KLC1: variants seen among roughly 807,000 people sequenced by gnomAD.
KLC1 encodes kinesin 2 60/70kDa.
A neutral mutation model predicts 84.2 loss-of-function variants in KLC1; 30 were observed. The ratio of observed to expected loss-of-function variants is 0.36; its 90% CI spans 0.27 to 0.48. The LOEUF (loss-of-function observed/expected upper bound fraction) is 0.48. Among genes scored for constraint, KLC1 ranks in the 20% least tolerant of loss-of-function variants. The pLI is 0.99. For missense variants in KLC1, 499 were observed against 805.4 expected, an observed-to-expected ratio of 0.62 and a Z score of 4.60; for synonymous variants, 289 against 293.3, an observed-to-expected ratio of 0.99 and a Z score of 0.15.
chr14:103,644,733 AAAAAG>A (rs1254999879), intron 1 of KLC1, among the ~76,000 whole-genome samples: 6 of 152,146 alleles, frequency 3.9e-5, no homozygotes, highest in Admixed American at 6.6e-5. Flanking sequence ...GTCTCTACTT[AAAAAG>A]AAAAGAGAAG....
intron 14 of KLC1, among the ~76,000 whole-genome samples, chr14:103,690,634 T>C (rs955149218): frequency 4.7e-4 from 9 of 18,956 alleles, no homozygotes; most frequent in African/African-American, 7.5e-4. Context: ...TCATGTTCGC[T>C]GTCCCATGTT....
chr14:103,700,432 G>C (rs568421373), intron 15 of KLC1: 2 of 474,418 alleles, frequency 4.2e-6, no homozygotes, highest in East Asian at 7.2e-5. Context: ...GAGCCATGGT[G>C]ATGGGGGAGG....
chr14:103,632,175 T>C (rs968693610), intron 1 of KLC1, among the ~76,000 whole-genome samples: 5 of 151,952 alleles, frequency 3.3e-5, no homozygotes, highest in African/African-American at 1.2e-4. Context: ...AGATCGCCCC[T>C]AGCTCTTTGG....
chr14:103,690,310 T>G (rs982700347), intron 14 of KLC1, among the ~76,000 whole-genome samples: 6 of 152,260 alleles, frequency 3.9e-5, no homozygotes, highest in Admixed American at 1.3e-4. Context: ...AAAACCTGTT[T>G]GGGACTCCAG....
At position 103,701,219 on chromosome 14, in the gene KLC1, G is replaced by A. The variant is rs375083845; in HGVS notation, c.*20G>A. 290 of 1,550,368 alleles carry A rather than the reference G, an allele frequency of 1.9e-4. 1 individual carries two copies. The South Asian group carries it at 2.0e-3, about 10-fold the overall frequency. The stretch of plus-strand genomic sequence containing the variant: ...CTTGCAGTGACCCCGACCTGGCCCC[G>A]CTCCAGGATGGGACTGCCGAGTGTG... On this transcript the variant is annotated 3_prime_UTR_variant, in exon 17 of 17. Transcript: ENST00000334553.
chr14:103,675,888 C>A, intron 11 of KLC1, 132 bp downstream of exon 11: 1 of 697,176 alleles, frequency 1.4e-6, no homozygotes, highest in Non-Finnish European at 2.4e-6. Context: ...TTCCCGAATT[C>A]CAATTAAAAA....
chr14:103,665,082 A>G (rs145552494), intron 5 of KLC1, among the ~76,000 whole-genome samples: 1 of 151,870 alleles, frequency 6.6e-6, no homozygotes, highest in African/African-American at 2.4e-5. Flanking sequence ...GTAGCTACAT[A>G]TGTATTCATA....
chr14:103,631,084 AT>A (rs370301801), intron 1 of KLC1, among the ~76,000 whole-genome samples: 2,891 of 143,320 alleles, frequency 0.02, 59 homozygotes, highest in African/African-American at 0.059. Context: ...AAACTTACAC[AT>A]TTTTTTTTTT....
chr14:103,666,333 G>T (rs2079818552), intron 5 of KLC1, among the ~76,000 whole-genome samples: 2 of 152,084 alleles, frequency 1.3e-5, no homozygotes, highest in South Asian at 2.1e-4. Context: ...AAAGTGCTGG[G>T]ATTACAGGCA....
At chr14:103,695,876 C>G in intron 15 of KLC1, 1 of 985,408 alleles carries the variant, frequency 1.0e-6, no homozygotes. Context: ...GCAAGGGAAT[C>G]TGAGTACCTG....
chr14:103,695,533 G>A (rs1249839898), intron 15 of KLC1: 2 of 985,170 alleles, frequency 2.0e-6, no homozygotes, highest in African/African-American at 3.5e-5. Flanking sequence ...TTGTGGTGGG[G>A]GTGCCTTCTC....
intron 1 of KLC1, among the ~76,000 whole-genome samples, chr14:103,636,541 G>A (rs970631793): frequency 1.3e-5 from 2 of 151,556 alleles, no homozygotes; most frequent in Admixed American, 6.6e-5. Context: ...TTTCATCTGA[G>A]CCATTCTAGC....
At chr14:103,651,558 G>A (rs898529163) in intron 1 of KLC1, among the ~76,000 whole-genome samples, 1 of 152,120 alleles carries the variant, frequency 6.6e-6, no homozygotes, top group African/African-American at 2.4e-5. Flanking sequence ...GAGAGGTATC[G>A]AGTCTAAATA....
At chr14:103,633,289 C>G (rs2076822810) in intron 1 of KLC1, among the ~76,000 whole-genome samples, 1 of 152,064 alleles carries the variant, frequency 6.6e-6, no homozygotes, top group Non-Finnish European at 1.5e-5. Flanking sequence ...CATCTCCTGA[C>G]CTCGTGATCC....
chr14:103,699,446 C>T, intron 15 of KLC1: 1 of 1,612,942 alleles, frequency 6.2e-7, no homozygotes, highest in Non-Finnish European at 8.5e-7. Flanking sequence ...ATGCCTGGCC[C>T]TGGGGGCGGA....
At chr14:103,690,333 T>G (rs1215402702) in intron 14 of KLC1, among the ~76,000 whole-genome samples, 3 of 152,244 alleles carry the variant, frequency 2.0e-5, no homozygotes, top group Non-Finnish European at 4.4e-5. Context: ...ATGTCTGTTG[T>G]GGGCTTCATT....
intron 2 of KLC1, among the ~76,000 whole-genome samples, chr14:103,655,583 C>T (rs1484153174): frequency 6.6e-6 from 1 of 150,906 alleles, no homozygotes; most frequent in Non-Finnish European, 1.5e-5. Flanking sequence ...AGGCGCGAGC[C>T]ACCATGCCCG....
At chr14:103,672,547 T>C (rs2080490393) in intron 7 of KLC1, among the ~76,000 whole-genome samples, 1 of 152,158 alleles carries the variant, frequency 6.6e-6, no homozygotes. Flanking sequence ...AAGTCTCCTT[T>C]GAGGGGAACT....
chr14:103,635,645 T>C (rs1002738188), intron 1 of KLC1, among the ~76,000 whole-genome samples: 1 of 151,918 alleles, frequency 6.6e-6, no homozygotes, highest in Non-Finnish European at 1.5e-5. Flanking sequence ...TCCCGGGTAT[T>C]TGGGAAGCTG....
Sources: gnomAD v4.1 joint callset for allele counts (sites outside exome capture counted in the v4.1 genomes callset) on GRCh38, gnomAD v4.1.1 for gene constraint, MANE v1.5 for transcripts, NCBI Gene and HGNC (gene_info 2026-07-23, HGNC 2026-07-21) for gene names.